ZNF354B: variants seen among roughly 807,000 people sequenced by gnomAD.
ZNF354B encodes zinc finger protein 354B.
A neutral mutation model predicts 12.9 loss-of-function variants in ZNF354B; 10 were observed. The ratio of observed to expected loss-of-function variants is 0.77; its 90% CI spans 0.48 to 1.31. The LOEUF is 1.31. ZNF354B is among the 40% of genes most tolerant of loss of function. The probability of loss-of-function intolerance (pLI) is 0.00; values close to 1 mark genes in which losing one functional copy is unlikely to be tolerated. For synonymous variants in ZNF354B, 260 were observed against 243.7 expected, an observed-to-expected ratio of 1.07 and a Z score of -0.62; for missense variants, 614 against 711.7, an observed-to-expected ratio of 0.86 and a Z score of 1.56.
chr5:178,871,521 T>C (rs990402139), intron 4 of ZNF354B, among the ~76,000 whole-genome samples: 4 of 152,208 alleles, frequency 2.6e-5, no homozygotes, highest in African/African-American at 7.2e-5. Flanking sequence ...TGTTTCTTCA[T>C]GATCTGTCTC....
At chr5:178,860,883 G>A (rs1757335250) in intron 1 of ZNF354B, 114 bp from the exon 2 acceptor site, 1 of 476,978 alleles carries the variant, frequency 2.1e-6, no homozygotes, top group African/African-American at 2.3e-5. Context: ...GGCTCCTCCC[G>A]AATCCCTGTG....
chr5:178,866,048 A>T (rs913286359), intron 2 of ZNF354B, among the ~76,000 whole-genome samples, 196 bp from the exon 3 acceptor site: 1 of 152,242 alleles, frequency 6.6e-6, no homozygotes, highest in Non-Finnish European at 1.5e-5. Context: ...CAGTGGCTGC[A>T]CTAGGCCTGA....
At position 178,866,113 on chromosome 5, in the gene ZNF354B, G is replaced by C. The variant is rs543462480; in HGVS notation, c.34-131G>C. 105 of 1,341,086 alleles carry C rather than the reference G, an allele frequency of 7.8e-5. No homozygotes were observed. The African/African-American group carries it at 1.5e-3, about 19-fold the overall frequency. 83.1% of individuals were successfully genotyped at this position (1,341,086 alleles called of 1,614,324 possible). A position where few individuals can be genotyped will look rare whatever the true frequency, so the allele number is the denominator to read the frequency against. On this transcript the variant is annotated intron_variant, in intron 2 of 4. Coordinates refer to ENST00000322434, the MANE Select transcript of ZNF354B (RefSeq NM_058230.3). ...TGTTACTGGCCAATTATTCATTAAA[G>C]GAATGACCTGGAACCTTCAGAAGCT...
At chr5:178,882,680 G>A (rs201846886) in intron 4 of ZNF354B, 29 bp from the exon 5 acceptor site, 84 of 1,522,278 alleles carry the variant, frequency 5.5e-5, no homozygotes, top group Non-Finnish European at 7.2e-5. Flanking sequence ...TGAATCATGG[G>A]CTGTTGCTTT....
rs199750749 is a variant in ZNF354B, at chr5:178,883,722, C to T, written c.1270C>T (p.Arg424Ter). The change falls in exon 5 of 5, where the codon CGA becomes TGA. Residue 424 changes from arginine (R) to a stop codon, truncating the protein, a stop_gained. Transcript: ENST00000322434. LOFTEE classifies it high-confidence loss of function. Reference sequence around the variant, plus strand: ...TGGGAAAGGCTTTACTTCTATTTCACGACTTAATAGACACCGAATAATTCA... The same window carrying T: ...TGGGAAAGGCTTTACTTCTATTTCATGACTTAATAGACACCGAATAATTCA... ...ECGKGFTSIS[R>*]LNRHRIIHTG... 1.8e-5 allele frequency: 29 copies of T among 1,614,066 alleles called. No homozygotes were observed. Among genetic ancestry groups the T allele is most frequent in the South Asian group, 4.4e-5 (4 of 91,074 alleles).
At chr5:178,874,726 C>A (rs1235455761) in intron 4 of ZNF354B, among the ~76,000 whole-genome samples, 2 of 152,142 alleles carry the variant, frequency 1.3e-5, no homozygotes, top group East Asian at 3.9e-4. Flanking sequence ...GTTCTGAGTT[C>A]TGTTTCTGTC....
At chr5:178,881,725 C>T (rs992148816) in intron 4 of ZNF354B, among the ~76,000 whole-genome samples, 23 of 152,204 alleles carry the variant, frequency 1.5e-4, no homozygotes, top group African/African-American at 5.5e-4. Context: ...CTCACTGCAG[C>T]CTCCACCTCC....
intron 2 of ZNF354B, among the ~76,000 whole-genome samples, chr5:178,861,465 AC>A (rs980242112): frequency 1.1e-4 from 16 of 151,136 alleles, no homozygotes; most frequent in African/African-American, 3.9e-4. Context: ...TCATAACACC[AC>A]CCCTTCCCCA....
In ZNF354B at chr5:178,883,601, A is replaced by C. The variant is rs752096991; in HGVS notation, c.1149A>C (p.Lys383Asn). The C allele has an allele frequency of 8.7e-6, 14 of 1,613,642 alleles. No homozygotes were observed. The East Asian group carries it at 3.1e-4, about 36-fold the overall frequency. The change falls in exon 5 of 5, where the codon AAA becomes AAC. Residue 383 changes from lysine (K) to asparagine (N), a missense_variant. By Grantham distance (94) the Lys-to-Asn change is moderately conservative. Transcript: ENST00000322434. Reference protein sequence around the residue: ...QRIHTGEKPFKCSECGRAFSQ... With the variant: ...QRIHTGEKPFNCSECGRAFSQ... ...TTCACACTGGAGAGAAGCCTTTTAA[A>C]TGTAGTGAATGTGGGAGAGCCTTCA...
intron 4 of ZNF354B, among the ~76,000 whole-genome samples, chr5:178,875,142 G>A (rs1454798470): frequency 6.6e-6 from 1 of 152,150 alleles, no homozygotes; most frequent in Non-Finnish European, 1.5e-5. Flanking sequence ...TGAAAATGTG[G>A]GCTCCTCTCC....
chr5:178,884,555 TC>T lies in ZNF354B; in HGVS notation c.*265del, dbSNP rs1190565381. 124 of 290,064 alleles carry T rather than the reference TC, an allele frequency of 4.3e-4. No homozygotes were observed. The East Asian group carries it at 7.2e-3, about 17-fold the overall frequency. The allele number at this position is 290,064 out of a possible 1,614,324, so 18.0% of individuals were successfully genotyped here. A position where few individuals can be genotyped will look rare whatever the true frequency, so the allele number is the denominator to read the frequency against. ...AAATCTCTTTATATAATATATGCTA[TC>T]TATGACATGCAAAAAAGAAAAGTCT... On this transcript the variant is annotated 3_prime_UTR_variant, in exon 5 of 5. Coordinates refer to ENST00000322434, the MANE Select transcript of ZNF354B (RefSeq NM_058230.3).
chr5:178,880,156 T>A (rs996408248), intron 4 of ZNF354B, among the ~76,000 whole-genome samples: 30 of 151,604 alleles, frequency 2.0e-4, no homozygotes, highest in African/African-American at 7.0e-4. Flanking sequence ...TAGAATAATA[T>A]AATGACTTCC....
intron 2 of ZNF354B, among the ~76,000 whole-genome samples, chr5:178,865,014 C>G (rs1168114443): frequency 6.6e-6 from 1 of 152,140 alleles, no homozygotes; most frequent in Non-Finnish European, 1.5e-5. Flanking sequence ...TTTATGTCAA[C>G]AAATAGCAAT....
chr5:178,868,841 G>A (rs1453609703), intron 4 of ZNF354B, among the ~76,000 whole-genome samples: 2 of 151,976 alleles, frequency 1.3e-5, no homozygotes, highest in East Asian at 1.9e-4. Context: ...GCATGGTGGC[G>A]GGCGCCTGTA....
chr5:178,869,264 C>CA (rs1757519079), intron 4 of ZNF354B, among the ~76,000 whole-genome samples: 1 of 152,210 alleles, frequency 6.6e-6, no homozygotes, highest in African/African-American at 2.4e-5. Context: ...AGCTGCACGG[C>CA]AGGCAGCTTT....
intron 1 of ZNF354B, chr5:178,860,626 G>T (rs2114002753): frequency 5.9e-6 from 1 of 169,034 alleles, no homozygotes; most frequent in Admixed American, 6.1e-5. Context: ...GGGAGTCCCG[G>T]CCCGCCTCGC....
chr5:178,880,262 C>T lies in ZNF354B; in HGVS notation c.257-2447C>T, dbSNP rs190779595. Among the ~76,000 whole-genome samples, 1,413 of 150,936 alleles carry T rather than the reference C, an allele frequency of 9.4e-3. 22 individuals are homozygous for T. The highest frequency in any genetic ancestry group is 0.032 in the African/African-American group (1,302 of 41,054). The stretch of plus-strand genomic sequence containing the variant: ...GTTGCCAGGCTTGAGTGCAGTGGCA[C>T]GATCTTGGCTCACTGCAACCTCTGC... On this transcript the variant is annotated intron_variant, in intron 4 of 4. Transcript: ENST00000322434.
At chr5:178,861,489 G>T (rs1757347531) in intron 2 of ZNF354B, among the ~76,000 whole-genome samples, 1 of 152,094 alleles carries the variant, frequency 6.6e-6, no homozygotes, top group South Asian at 2.1e-4. Context: ...CTTCTCCAAC[G>T]CATCGTTGTT....
At chr5:178,864,153 C>T (rs890236117) in intron 2 of ZNF354B, among the ~76,000 whole-genome samples, 1 of 152,228 alleles carries the variant, frequency 6.6e-6, no homozygotes, top group Admixed American at 6.5e-5. Flanking sequence ...CACATTCACT[C>T]ACTGCTTACT....
Sources: gnomAD v4.1 joint callset for allele counts (sites outside exome capture counted in the v4.1 genomes callset) on GRCh38, gnomAD v4.1.1 for gene constraint, MANE v1.5 for transcripts, NCBI Gene and HGNC (gene_info 2026-07-23, HGNC 2026-07-21) for gene names.